RAB3IL1: variants seen among roughly 807,000 people sequenced by gnomAD.
RAB3IL1 encodes the protein guanine nucleotide exchange factor for Rab-3A.
A neutral mutation model predicts 49.2 loss-of-function variants in RAB3IL1; 37 were observed. That is an observed-to-expected ratio of 0.75 (90% confidence interval 0.58 to 0.99). RAB3IL1 has a LOEUF of 0.99. RAB3IL1 is among the 50% of genes least tolerant of loss of function. RAB3IL1 has a pLI of 0.00. For missense variants in RAB3IL1, 484 were observed against 513.0 expected, an observed-to-expected ratio of 0.94 and a Z score of 0.55; for synonymous variants, 193 against 213.9, an observed-to-expected ratio of 0.90 and a Z score of 0.85.
rs1938696737 is a variant in RAB3IL1 at position 61,897,915 on chromosome 11, G to C, written c.*363C>G. The C allele has an allele frequency of 4.3e-6, 1 of 230,940 alleles. No homozygotes were observed. Among genetic ancestry groups the C allele is most frequent in the Non-Finnish European group, 8.7e-6 (1 of 115,504 alleles). 14.3% of individuals were successfully genotyped at this position (230,940 alleles called of 1,614,324 possible). On this transcript the variant is annotated 3_prime_UTR_variant, in exon 10 of 10. Coordinates refer to ENST00000394836, the MANE Select transcript of RAB3IL1 (RefSeq NM_013401.4). ...TTTCTGAAGACAAGCCAGCAACAAG[G>C]CACCTGCAGGCAGTTCTGGGGACTG...
intron 1 of RAB3IL1, among the ~76,000 whole-genome samples, chr11:61,909,319 GGAGGAGTGA>G (rs948209557): frequency 2.6e-5 from 4 of 152,052 alleles, no homozygotes; most frequent in African/African-American, 7.3e-5. Context: ...TGAGGCAGAG[GGAGGAGTGA>G]GAGGCAAGTC....
intron 1 of RAB3IL1, among the ~76,000 whole-genome samples, chr11:61,911,119 A>G (rs1939436345): frequency 6.6e-6 from 1 of 152,178 alleles, no homozygotes; most frequent in African/African-American, 2.4e-5. Flanking sequence ...TGTGGGGCAG[A>G]GTGGGGACAG....
the RAB3IL1 span, among the ~76,000 whole-genome samples, chr11:61,927,471 C>T: frequency 6.6e-6 from 1 of 152,116 alleles, no homozygotes; most frequent in Non-Finnish European, 1.5e-5. Context: ...CCAACCTAGA[C>T]TTAAGGTTAG....
the RAB3IL1 span, among the ~76,000 whole-genome samples, chr11:61,938,409 A>G: frequency 6.6e-6 from 1 of 152,198 alleles, no homozygotes; most frequent in Non-Finnish European, 1.5e-5. Context: ...ATATTCCATG[A>G]AAACTAACAA....
At chr11:61,908,999 C>T (rs1939342848) in intron 1 of RAB3IL1, among the ~76,000 whole-genome samples, 1 of 152,200 alleles carries the variant, frequency 6.6e-6, no homozygotes, top group Non-Finnish European at 1.5e-5. Context: ...AGCTGAAGAC[C>T]CTGGAGGTGG....
chr11:61,935,962 T>TAA, the RAB3IL1 span, among the ~76,000 whole-genome samples: 17 of 147,688 alleles, frequency 1.2e-4, no homozygotes, highest in East Asian at 1.6e-3. Flanking sequence ...GAGGAACATT[T>TAA]AAAAAAAAAA....
chr11:61,899,376 G>T lies in RAB3IL1; in HGVS notation c.1004C>A (p.Thr335Asn). The T allele has an allele frequency of 1.2e-6, 2 of 1,609,040 alleles. No homozygotes were observed. ...GTAGGTGAAGAAGTTGCACACTGCG[G>T]TGATCTGTGGGCAGAGGTGGGGACG... is the stretch of plus-strand genomic sequence containing the variant. ...YISPSSRARI[T>N]AVCNFFTYIR... Residue 335 changes from threonine (T) to asparagine (N), a missense_variant, in exon 9 of 10, where the codon ACC (threonine) becomes AAC (asparagine). Coordinates refer to ENST00000394836, the MANE Select transcript of RAB3IL1 (RefSeq NM_013401.4).
intron 7 of RAB3IL1, 24 bp from the exon 8 acceptor site, chr11:61,902,565 CG>C: frequency 1.3e-6 from 2 of 1,573,872 alleles, no homozygotes; most frequent in Non-Finnish European, 1.7e-6. Flanking sequence ...AAATGGGTCA[CG>C]GGGGCTGGCT....
chr11:61,905,962 C>T (rs529544538), intron 5 of RAB3IL1, among the ~76,000 whole-genome samples: 30 of 152,308 alleles, frequency 2.0e-4, no homozygotes, highest in Admixed American at 8.5e-4. Context: ...TGAGGTGGGA[C>T]GGAGACACCT....
intron 2 of RAB3IL1, 93 bp from the exon 3 acceptor site, chr11:61,907,753 G>C: frequency 8.8e-7 from 1 of 1,141,602 alleles, no homozygotes; most frequent in East Asian, 2.4e-5. Context: ...CCATCCCCTC[G>C]TCATTTTATG....
chr11:61,930,254 G>GGGAGA, the RAB3IL1 span, among the ~76,000 whole-genome samples: 3 of 152,116 alleles, frequency 2.0e-5, no homozygotes, highest in Non-Finnish European at 4.4e-5. Context: ...TGGAGGGGAG[G>GGGAGA]TGATATTTGT....
chr11:61,944,202 T>C, the RAB3IL1 span, among the ~76,000 whole-genome samples: 2 of 60,804 alleles, frequency 3.3e-5, no homozygotes, highest in Admixed American at 1.5e-4. Context: ...CCTTCCTTCC[T>C]TTCCTTCCCT....
chr11:61,898,584 A>G lies in RAB3IL1; in HGVS notation c.1067-224T>C, dbSNP rs1349365686. ...GACCACACCCGAGGGATCTGTTTGC[A>G]CTACACTGACGGCCACCCCCACAGC... On this transcript the variant is annotated intron_variant, in intron 9 of 9. Coordinates refer to ENST00000394836, the MANE Select transcript of RAB3IL1 (RefSeq NM_013401.4). This position sits in a 1 kb window ranked among gnomAD's most constrained non-coding sequence, Gnocchi z 5.1. 6.6e-6 allele frequency among the ~76,000 whole-genome samples: 1 copy of G among 152,186 alleles called. No individual in the cohort carries two copies. The highest frequency in any genetic ancestry group is 1.5e-5 in the Non-Finnish European group (1 of 68,028).
Position 61,907,474 on chromosome 11 carries a change from G to A in RAB3IL1, c.361-4C>T, listed in dbSNP as rs780678512. ...CTCGAACCATCTTGTGAGCTTCCTA[G>A]GAAGAAGGCAGTCCCTGCGTGAGTG... On this transcript the variant is annotated splice_polypyrimidine_tract_variant and splice_region_variant and intron_variant, in intron 3 of 9. Coordinates refer to ENST00000394836, the MANE Select transcript of RAB3IL1 (RefSeq NM_013401.4). 1.2e-6 allele frequency: 2 copies of A among 1,614,114 alleles called. No individual in the cohort carries two copies. The highest frequency in any genetic ancestry group is 1.7e-6 in the Non-Finnish European group (2 of 1,179,994).
chr11:61,920,536 G>A (rs927947181), upstream of RAB3IL1, among the ~76,000 whole-genome samples: 1 of 152,192 alleles, frequency 6.6e-6, no homozygotes, highest in Non-Finnish European at 1.5e-5. Flanking sequence ...GAAAGAGCCC[G>A]TCCAGCCTTG....
Position 61,906,014 on chromosome 11 carries a change from G to A in RAB3IL1, c.657+452C>T, listed in dbSNP as rs1939163645. Among the ~76,000 whole-genome samples, 1 of 152,212 alleles carries A rather than the reference G, an allele frequency of 6.6e-6. No individual in the cohort carries two copies. Among genetic ancestry groups the A allele is most frequent in the Non-Finnish European group, 1.5e-5 (1 of 68,034 alleles). ...TGTCTCAGCCCCACAGTCAGAGGGT[G>A]CCAGAAACCCCTTGAGCACAGGGCT... On this transcript the variant is annotated intron_variant, in intron 5 of 9. Transcript: ENST00000394836. This position sits in a 1 kb window ranked among gnomAD's most constrained non-coding sequence, Gnocchi z 4.6.
In RAB3IL1 at chr11:61,906,463, C is replaced by T; in HGVS notation, c.657+3G>A. The T allele has an allele frequency of 6.5e-7, 1 of 1,542,098 alleles. No homozygotes were observed. The highest frequency in any genetic ancestry group is 8.7e-7 in the Non-Finnish European group (1 of 1,146,708). ...GTGCCCAGAGCCCGCTTCCCACCCTCACCTCCTTGCCCTCTCTGTCTGGGG... is the reference window on the plus strand; with the variant it reads ...GTGCCCAGAGCCCGCTTCCCACCCTTACCTCCTTGCCCTCTCTGTCTGGGG... On this transcript the variant is annotated splice_donor_region_variant and intron_variant, in intron 5 of 9. Coordinates refer to ENST00000394836, the MANE Select transcript of RAB3IL1 (RefSeq NM_013401.4). This position sits in a 1 kb window ranked among gnomAD's most constrained non-coding sequence, Gnocchi z 4.6.
chr11:61,916,762 C>T (rs1047456847), intron 1 of RAB3IL1, among the ~76,000 whole-genome samples: 6 of 152,202 alleles, frequency 3.9e-5, no homozygotes, highest in African/African-American at 1.4e-4. Flanking sequence ...GAACCAGTGG[C>T]CTGAACAGAC....
chr11:61,943,709 A>G, the RAB3IL1 span, among the ~76,000 whole-genome samples: 3 of 152,246 alleles, frequency 2.0e-5, no homozygotes, highest in Non-Finnish European at 4.4e-5. Flanking sequence ...TAAGCACATG[A>G]GAAGATACTT....
Sources: gnomAD v4.1 joint callset for allele counts (sites outside exome capture counted in the v4.1 genomes callset) on GRCh38, gnomAD v4.1.1 for gene constraint, Gnocchi (gnomAD v3.1) non-coding constraint, MANE v1.5 for transcripts, NCBI Gene and HGNC (gene_info 2026-07-23, HGNC 2026-07-21) for gene names.